CNTN4: variants seen among roughly 807,000 people sequenced by gnomAD.
CNTN4 encodes the protein contactin 4.
Under a neutral mutation model 122.5 loss-of-function variants are expected in CNTN4, and 77 were observed. The observed-to-expected ratio is 0.63, with a 90% CI of 0.52 to 0.76. The LOEUF is 0.76. Among genes scored for constraint, CNTN4 ranks in the 30% least tolerant of loss-of-function variants. CNTN4 has a pLI of 0.00. For missense variants in CNTN4, 1,256 were observed against 1,259.1 expected, an observed-to-expected ratio of 1.00 and a Z score of 0.04; for synonymous variants, 512 against 447.0, an observed-to-expected ratio of 1.15 and a Z score of -1.83.
chr3:2,912,715 A>G (rs1372370520), intron 12 of CNTN4, among the ~76,000 whole-genome samples: 1 of 152,220 alleles, frequency 6.6e-6, no homozygotes, highest in Non-Finnish European at 1.5e-5. Context: ...ACATGATTGA[A>G]GTTAAATTGT....
chr3:2,853,237 T>TTTTTG (rs1292296137), intron 7 of CNTN4, among the ~76,000 whole-genome samples: 4 of 152,040 alleles, frequency 2.6e-5, no homozygotes, highest in South Asian at 2.1e-4. Flanking sequence ...GAATTTATTG[T>TTTTTG]TTTTGTTTTG....
chr3:2,969,745 A>G (rs1692709206), intron 13 of CNTN4, among the ~76,000 whole-genome samples: 1 of 152,100 alleles, frequency 6.6e-6, no homozygotes, highest in Non-Finnish European at 1.5e-5. Context: ...ACAATGACAG[A>G]CTTTTACTTT....
chr3:2,262,629 GT>G (rs11391764), intron 2 of CNTN4, among the ~76,000 whole-genome samples: 5 of 144,280 alleles, frequency 3.5e-5, no homozygotes, highest in African/African-American at 5.1e-5. Context: ...GCTGTTCCGT[GT>G]TTTTTTTTTT....
intron 14 of CNTN4, among the ~76,000 whole-genome samples, chr3:3,003,825 C>A (rs889088262): frequency 2.6e-5 from 4 of 151,854 alleles, no homozygotes; most frequent in Admixed American, 1.3e-4. Flanking sequence ...TCATAGCTCA[C>A]TGCAGCCTTG....
At chr3:2,144,418 G>A (rs1209529251) in intron 2 of CNTN4, among the ~76,000 whole-genome samples, 2 of 152,134 alleles carry the variant, frequency 1.3e-5, no homozygotes, top group African/African-American at 2.4e-5. Context: ...TCTACCTTAC[G>A]GGATTTTCAT....
At chr3:2,805,859 G>C (rs1004945602) in intron 6 of CNTN4, among the ~76,000 whole-genome samples, 2 of 152,114 alleles carry the variant, frequency 1.3e-5, no homozygotes, top group African/African-American at 2.4e-5. Context: ...AAAAAGTACA[G>C]ACTGTTTTTT....
At chr3:2,579,776 T>C (rs2079853845) in intron 4 of CNTN4, among the ~76,000 whole-genome samples, 1 of 152,328 alleles carries the variant, frequency 6.6e-6, no homozygotes, top group East Asian at 1.9e-4. Flanking sequence ...GTTAAATATA[T>C]GTTAATGTTT....
At chr3:2,135,466 A>G (rs548231751) in intron 2 of CNTN4, among the ~76,000 whole-genome samples, 2 of 152,300 alleles carry the variant, frequency 1.3e-5, no homozygotes, top group African/African-American at 4.8e-5. Context: ...GAAATGTTAG[A>G]CAATGGTAGC....
chr3:2,940,670 T>C (rs970950649), intron 13 of CNTN4, among the ~76,000 whole-genome samples: 1 of 151,824 alleles, frequency 6.6e-6, no homozygotes, highest in Non-Finnish European at 1.5e-5. Context: ...TTGTGGGAAA[T>C]GATGAGGAAC....
At chr3:2,798,753 C>T (rs981399684) in intron 6 of CNTN4, among the ~76,000 whole-genome samples, 3 of 152,268 alleles carry the variant, frequency 2.0e-5, no homozygotes, top group East Asian at 1.9e-4. Flanking sequence ...TCAAGTACTG[C>T]ACCCACCTCA....
intron 3 of CNTN4, among the ~76,000 whole-genome samples, chr3:2,479,589 C>A (rs1264348531): frequency 6.6e-6 from 1 of 152,074 alleles, no homozygotes; most frequent in Admixed American, 6.6e-5. Context: ...AGATTGTAAC[C>A]CCATAGTACT....
intron 2 of CNTN4, among the ~76,000 whole-genome samples, chr3:2,206,504 T>A (rs2038348716): frequency 6.6e-6 from 1 of 151,316 alleles, no homozygotes; most frequent in Non-Finnish European, 1.5e-5. Flanking sequence ...AAGGATTGGA[T>A]TTTTCTGAAA....
chr3:2,627,134 T>C (rs540271927), intron 4 of CNTN4, among the ~76,000 whole-genome samples: 38 of 152,296 alleles, frequency 2.5e-4, no homozygotes, highest in African/African-American at 8.4e-4. Context: ...TGCAGGACTT[T>C]TAGTGCTGAA....
chr3:2,754,302 T>G (rs901209951), intron 6 of CNTN4, among the ~76,000 whole-genome samples: 1 of 152,208 alleles, frequency 6.6e-6, no homozygotes, highest in Non-Finnish European at 1.5e-5. Context: ...GCAAAAGACT[T>G]AAGCTACTCA....
chr3:2,406,183 G>T lies in CNTN4; in HGVS notation c.-89+66950G>T, dbSNP rs140169426. Among the ~76,000 whole-genome samples the T allele has an allele frequency of 7.9e-3, 1,206 of 152,148 alleles. 22 individuals carry two copies. The highest frequency in any genetic ancestry group is 0.066 in the South Asian group (319 of 4,822). On this transcript the variant is annotated intron_variant, in intron 3 of 24. Transcript: ENST00000418658. ...CCTCCCAAAATTTATTAATTATAAA[G>T]GGGAAATGTTAAATTTCACATTGGA...
At chr3:2,993,659 C>G (rs2125329417) in intron 14 of CNTN4, among the ~76,000 whole-genome samples, 2 of 152,056 alleles carry the variant, frequency 1.3e-5, no homozygotes, top group East Asian at 3.9e-4. Context: ...TCTGCAAAAC[C>G]TTAAATATTT....
intron 3 of CNTN4, among the ~76,000 whole-genome samples, chr3:2,380,075 A>AAAG (rs1553636313): frequency 1.3e-5 from 2 of 151,096 alleles, no homozygotes; most frequent in African/African-American, 4.9e-5. Flanking sequence ...AAAAAAAAAA[A>AAAG]TCATAGGGTT....
intron 6 of CNTN4, among the ~76,000 whole-genome samples, chr3:2,776,214 A>C (rs1218711157): frequency 6.6e-6 from 1 of 151,264 alleles, no homozygotes; most frequent in African/African-American, 2.4e-5. Flanking sequence ...GCAGGATTAC[A>C]TCATTTTCCA....
At chr3:2,120,352 TA>T (rs2033641957) in intron 2 of CNTN4, among the ~76,000 whole-genome samples, 1 of 42,402 alleles carries the variant, frequency 2.4e-5, no homozygotes, top group African/African-American at 8.4e-5. Context: ...GCATTTAGGT[TA>T]TATATATATA....
Sources: allele counts gnomAD v4.1 joint callset (sites outside exome capture counted in the v4.1 genomes callset), GRCh38; gene constraint gnomAD v4.1.1; transcripts MANE v1.5; gene names NCBI Gene and HGNC (gene_info 2026-07-23, HGNC 2026-07-21).